The following GALNTL6 variants were observed in gnomAD, a reference collection of about 807,000 sequenced individuals.
GALNTL6 encodes the protein polypeptide N-acetylgalactosaminyltransferase like 6.
Under a neutral mutation model 73.7 loss-of-function variants are expected in GALNTL6, and 46 were observed. The observed-to-expected ratio is 0.62, with a 90% CI of 0.49 to 0.80. The LOEUF is 0.80. Among genes scored for constraint, GALNTL6 ranks in the 30% least tolerant of loss-of-function variants. The pLI is 0.00. For missense variants in GALNTL6, 604 were observed against 755.0 expected (o/e 0.80, Z 2.34); for synonymous variants, 259 against 263.7 (o/e 0.98, Z 0.17).
At chr4:172,986,306 A>G (rs1751287647) in intron 10 of GALNTL6, among the ~76,000 whole-genome samples, 1 of 152,228 alleles carries the variant, frequency 6.6e-6, no homozygotes, top group South Asian at 2.1e-4. Context: ...GGGTTTCAAG[A>G]CTTGCATGAC....
At position 172,594,125 on chromosome 4, in the gene GALNTL6, T is replaced by C. The variant is rs547719109; in HGVS notation, c.554-215236T>C. 8.2e-3 allele frequency among the ~76,000 whole-genome samples: 1,255 copies of C among 152,132 alleles called. 10 individuals are homozygous for C. The highest frequency in any genetic ancestry group is 0.024 in the Middle Eastern group (7 of 294). The stretch of plus-strand genomic sequence containing the variant: ...ACTTTGGGAGGCCGAGGCGGGTGGA[T>C]CACGAGGTCAGGAGTTCAAGATCAG... On this transcript the variant is annotated intron_variant, in intron 5 of 12. Coordinates refer to ENST00000506823, the MANE Select transcript of GALNTL6 (RefSeq NM_001034845.3).
At chr4:171,846,878 T>TTATACATATGTATATATATATG (rs1560811295) in intron 2 of GALNTL6, among the ~76,000 whole-genome samples, 52 of 140,638 alleles carry the variant, frequency 3.7e-4, no homozygotes, top group African/African-American at 1.4e-3. Context: ...TGTATTTATA[T>TTATACATATGTATATATATATG]TATATACACA....
intron 2 of GALNTL6, among the ~76,000 whole-genome samples, chr4:171,829,944 C>T (rs1321643837): frequency 6.6e-6 from 1 of 151,786 alleles, no homozygotes; most frequent in Non-Finnish European, 1.5e-5. Context: ...ATTTTGGGCC[C>T]TAAATTCAAT....
intron 3 of GALNTL6, among the ~76,000 whole-genome samples, chr4:172,276,057 T>C (rs1164274418): frequency 6.6e-6 from 1 of 152,224 alleles, no homozygotes; most frequent in East Asian, 1.9e-4. Flanking sequence ...AACTTCTTTA[T>C]CTTCTTTCAC....
intron 5 of GALNTL6, among the ~76,000 whole-genome samples, chr4:172,624,153 A>T (rs1272499560): frequency 2.0e-5 from 3 of 152,098 alleles, no homozygotes; most frequent in African/African-American, 7.2e-5. Context: ...CAAGAACATA[A>T]ACTCTTCTAG....
intron 5 of GALNTL6, among the ~76,000 whole-genome samples, chr4:172,671,706 A>T (rs1731996455): frequency 1.3e-5 from 2 of 152,140 alleles, no homozygotes; most frequent in South Asian, 2.1e-4. Flanking sequence ...AGTAGGAGTG[A>T]TGAGAGTGGG....
chr4:172,169,148 G>T (rs1397149566), intron 2 of GALNTL6, among the ~76,000 whole-genome samples: 1 of 152,168 alleles, frequency 6.6e-6, no homozygotes, highest in East Asian at 1.9e-4. Context: ...TGTCGTGTAG[G>T]ACTGAAGAAG....
chr4:172,475,084 C>A (rs902394538), intron 5 of GALNTL6, among the ~76,000 whole-genome samples: 15 of 152,084 alleles, frequency 9.9e-5, no homozygotes, highest in Admixed American at 1.3e-4. Context: ...TGGTGAAGGG[C>A]AATAAAAGGA....
intron 8 of GALNTL6, among the ~76,000 whole-genome samples, chr4:172,920,928 T>G (rs993355048): frequency 6.6e-6 from 1 of 152,302 alleles, no homozygotes; most frequent in African/African-American, 2.4e-5. Context: ...AGATATCTAC[T>G]GAGTTAGAAG....
chr4:172,149,533 C>T (rs952444324), intron 2 of GALNTL6, among the ~76,000 whole-genome samples: 3 of 152,128 alleles, frequency 2.0e-5, no homozygotes, highest in Non-Finnish European at 2.9e-5. Context: ...TTTCAAGCTG[C>T]TCTTTTACAC....
intron 3 of GALNTL6, among the ~76,000 whole-genome samples, chr4:172,308,616 T>C (rs1416789950): frequency 6.6e-6 from 1 of 152,166 alleles, no homozygotes; most frequent in African/African-American, 2.4e-5. Flanking sequence ...TAGTTCTGTG[T>C]ATGTGGTGTA....
intron 2 of GALNTL6, among the ~76,000 whole-genome samples, chr4:171,956,191 G>T (rs1299093213): frequency 6.6e-6 from 1 of 152,062 alleles, no homozygotes; most frequent in East Asian, 1.9e-4. Flanking sequence ...TTTTTGTAGA[G>T]ACAGCATTTT....
At chr4:172,761,665 C>CTA (rs1738105061) in intron 5 of GALNTL6, among the ~76,000 whole-genome samples, 1 of 104,248 alleles carries the variant, frequency 9.6e-6, no homozygotes, top group East Asian at 4.4e-4. Context: ...CGCCCTTGCT[C>CTA]TCTTTCTCTC....
At chr4:172,677,297 G>A (rs1415095493) in intron 5 of GALNTL6, among the ~76,000 whole-genome samples, 8 of 152,196 alleles carry the variant, frequency 5.3e-5, no homozygotes, top group Admixed American at 3.3e-4. Flanking sequence ...GTGGAAATGT[G>A]TGATTGTGTT....
intron 5 of GALNTL6, among the ~76,000 whole-genome samples, chr4:172,392,766 C>A (rs1315192820): frequency 2.0e-5 from 3 of 152,096 alleles, no homozygotes; most frequent in Non-Finnish European, 2.9e-5. Context: ...CTTAGCTTAT[C>A]GGGTTTTTGA....
At chr4:171,880,549 A>G (rs891304918) in intron 2 of GALNTL6, among the ~76,000 whole-genome samples, 3 of 152,234 alleles carry the variant, frequency 2.0e-5, no homozygotes, top group Non-Finnish European at 4.4e-5. Context: ...GAACAGTGAG[A>G]AACATTGTGT....
chr4:172,836,175 T>C (rs1180530715), intron 7 of GALNTL6, among the ~76,000 whole-genome samples: 4 of 152,228 alleles, frequency 2.6e-5, no homozygotes, highest in Non-Finnish European at 4.4e-5. Flanking sequence ...CTTATTACTC[T>C]GCCCACTTGG....
chr4:172,226,576 TGTG>T (rs2110960240), intron 2 of GALNTL6, among the ~76,000 whole-genome samples: 1 of 73,368 alleles, frequency 1.4e-5, no homozygotes, highest in Non-Finnish European at 2.6e-5. Flanking sequence ...TGTGTGTGTG[TGTG>T]TCTGTGTGTC....
intron 5 of GALNTL6, among the ~76,000 whole-genome samples, chr4:172,669,739 G>A (rs1263359577): frequency 1.1e-5 from 1 of 88,088 alleles, no homozygotes; most frequent in East Asian, 3.5e-4. Context: ...GCCATGGGGG[G>A]TTGATATACA....
Sources: allele counts gnomAD v4.1 joint callset (sites outside exome capture counted in the v4.1 genomes callset), GRCh38; gene constraint gnomAD v4.1.1; transcripts MANE v1.5; gene names NCBI Gene and HGNC (gene_info 2026-07-23, HGNC 2026-07-21).